NAV2: variants seen among roughly 807,000 people sequenced by gnomAD.
NAV2 encodes helicase, APC down-regulated 1.
NAV2 carries 54 observed loss-of-function variants against 223.2 expected under a neutral mutation model. The observed-to-expected ratio is 0.24, with a 90% CI of 0.19 to 0.30. The LOEUF (loss-of-function observed/expected upper bound fraction) is 0.30, where lower values mean the gene tolerates loss of function less well. Among genes scored for constraint, NAV2 ranks in the 10% least tolerant of loss-of-function variants. The pLI, the probability that NAV2 is intolerant of heterozygous loss-of-function variation, is 1.00. For synonymous variants in NAV2, 1,279 were observed against 1,239.3 expected, an observed-to-expected ratio of 1.03 and a Z score of -0.67; for missense variants, 2,806 against 3,147.5, an observed-to-expected ratio of 0.89 and a Z score of 2.60.
At chr11:19,788,327 A>G (rs1469951157) in intron 1 of NAV2, among the ~76,000 whole-genome samples, 1 of 152,160 alleles carries the variant, frequency 6.6e-6, no homozygotes, top group Admixed American at 6.5e-5. Flanking sequence ...CCAGTTGAGA[A>G]CCACTGTAGT....
At chr11:19,348,115 C>T (rs537526670), upstream of NAV2, among the ~76,000 whole-genome samples, 7 of 152,270 alleles carry the variant, frequency 4.6e-5, no homozygotes, top group Admixed American at 2.0e-4. Flanking sequence ...ATTTCTGTGG[C>T]GAGAGCGTCT....
chr11:19,392,640 C>T (rs1319903897), intron 1 of NAV2, among the ~76,000 whole-genome samples: 1 of 152,196 alleles, frequency 6.6e-6, no homozygotes, highest in African/African-American at 2.4e-5. Context: ...CACTCAGCAT[C>T]ACTTCTCCAG....
intron 1 of NAV2, among the ~76,000 whole-genome samples, chr11:19,578,253 C>T (rs994871710): frequency 6.6e-6 from 1 of 152,234 alleles, no homozygotes; most frequent in East Asian, 1.9e-4. Flanking sequence ...ATTAACGCTG[C>T]GCGTGCTGCT....
intron 5 of NAV2, among the ~76,000 whole-genome samples, chr11:19,881,824 G>A (rs2063226030): frequency 6.6e-6 from 1 of 152,180 alleles, no homozygotes; most frequent in African/African-American, 2.4e-5. Context: ...AGGTTTGGTT[G>A]ATAGAAAGGT....
chr11:19,482,509 A>G (rs117079761), intron 1 of NAV2, among the ~76,000 whole-genome samples: 2,276 of 152,316 alleles, frequency 0.015, 27 homozygotes, highest in Middle Eastern at 0.024. Flanking sequence ...GCTTGAAGAC[A>G]TATGTGAATT....
chr11:20,054,935 A>G (rs879772197), intron 18 of NAV2, among the ~76,000 whole-genome samples: 1 of 152,250 alleles, frequency 6.6e-6, no homozygotes, highest in East Asian at 1.9e-4. Context: ...ATATAATTAG[A>G]TAGCAAGCAT....
intron 11 of NAV2, among the ~76,000 whole-genome samples, chr11:20,012,996 A>T (rs1431032309): frequency 6.6e-6 from 1 of 152,194 alleles, no homozygotes; most frequent in African/African-American, 2.4e-5. Context: ...ATGAAATAAG[A>T]CCAGAAAATT....
Position 19,702,609 on chromosome 11 carries a change from T to C in NAV2, c.76-129875T>C, listed in dbSNP as rs1482524263. Among the ~76,000 whole-genome samples the C allele has an allele frequency of 2.0e-5, 3 of 151,914 alleles. No homozygotes were observed. In the East Asian group the frequency reaches 5.8e-4, roughly 29 times the overall value. On this transcript the variant is annotated intron_variant, in intron 1 of 37. Coordinates refer to the NAV2 transcript ENST00000360655. ...GCCCGGGCAACATGATGGAACCCTG[T>C]CTCTATGAAAAATACAAAAATTAGC...
At chr11:19,662,999 G>A (rs2048326892) in intron 1 of NAV2, among the ~76,000 whole-genome samples, 1 of 152,156 alleles carries the variant, frequency 6.6e-6, no homozygotes, top group South Asian at 2.1e-4. Context: ...CTTGATTGGG[G>A]AGTGGTAAGG....
intron 1 of NAV2, among the ~76,000 whole-genome samples, chr11:19,742,678 A>C (rs1160571804): frequency 6.6e-6 from 1 of 152,176 alleles, no homozygotes; most frequent in Non-Finnish European, 1.5e-5. Flanking sequence ...AGCTCTGCCC[A>C]TCTCTAGATA....
intron 1 of NAV2, among the ~76,000 whole-genome samples, chr11:19,719,437 G>A (rs1020392429): frequency 2.0e-5 from 3 of 152,170 alleles, no homozygotes. Flanking sequence ...GCAAATTATA[G>A]AACATCCCTA....
chr11:19,383,539 C>A (rs1848924393), intron 1 of NAV2, among the ~76,000 whole-genome samples: 1 of 152,242 alleles, frequency 6.6e-6, no homozygotes, highest in African/African-American at 2.4e-5. Flanking sequence ...ATGCCTTAGT[C>A]TGCGTCTCTA....
chr11:19,558,156 T>C (rs575933425), intron 1 of NAV2, among the ~76,000 whole-genome samples: 3 of 152,352 alleles, frequency 2.0e-5, no homozygotes, highest in East Asian at 3.9e-4. Context: ...GGGGTTGATA[T>C]GAGGACTAAA....
At chr11:19,983,279 A>G (rs1032907962) in intron 10 of NAV2, among the ~76,000 whole-genome samples, 5 of 152,172 alleles carry the variant, frequency 3.3e-5, no homozygotes. Flanking sequence ...TGGTTGGTAG[A>G]CAATCAGCCA....
intron 3 of NAV2, among the ~76,000 whole-genome samples, chr11:19,863,453 G>C (rs1169712567): frequency 6.6e-6 from 1 of 152,116 alleles, no homozygotes; most frequent in African/African-American, 2.4e-5. Context: ...TTGGTGCCTG[G>C]CTAACTCCTT....
In NAV2 at chr11:19,489,289, C is replaced by T. The variant is rs570052222; in HGVS notation, c.75+138262C>T. 9.2e-5 allele frequency among the ~76,000 whole-genome samples: 14 copies of T among 152,266 alleles called. No individual in the cohort carries two copies. The South Asian group carries it at 1.5e-3, about 16-fold the overall frequency. On this transcript the variant is annotated intron_variant, in intron 1 of 37. Transcript: ENST00000360655. ...TGAGACCCAACATTGTTGTCTTAAG[C>T]TTCTATGGGAGAGAGAGGGGAAGAA... is the stretch of plus-strand genomic sequence containing the variant.
intron 1 of NAV2, among the ~76,000 whole-genome samples, chr11:19,621,759 G>A (rs570817072): frequency 1.1e-4 from 17 of 152,074 alleles, no homozygotes; most frequent in African/African-American, 4.1e-4. Flanking sequence ...ATCTCCTTCA[G>A]TTCCGCTCTG....
At chr11:20,001,189 C>G (rs964740570) in intron 11 of NAV2, among the ~76,000 whole-genome samples, 1 of 152,180 alleles carries the variant, frequency 6.6e-6, no homozygotes, top group Non-Finnish European at 1.5e-5. Flanking sequence ...CCTCTCCTGA[C>G]CCTTCTTTGC....
At chr11:20,005,174 C>T (rs192344445) in intron 11 of NAV2, among the ~76,000 whole-genome samples, 147 of 151,388 alleles carry the variant, frequency 9.7e-4, no homozygotes, top group Non-Finnish European at 1.9e-3. Flanking sequence ...AACTGCCACA[C>T]GATAGAAGTT....
Sources: gnomAD v4.1 joint callset for allele counts (sites outside exome capture counted in the v4.1 genomes callset) on GRCh38, gnomAD v4.1.1 for gene constraint, MANE v1.5 for transcripts, NCBI Gene and HGNC (gene_info 2026-07-23, HGNC 2026-07-21) for gene names.